The following INPP4A variants were observed in gnomAD, a reference collection of about 807,000 sequenced individuals.
INPP4A encodes the protein inositol polyphosphate-4-phosphatase, type I, 107kD.
A neutral mutation model predicts 119.8 loss-of-function variants in INPP4A; 33 were observed. The ratio of observed to expected loss-of-function variants is 0.28; its 90% CI spans 0.21 to 0.37. The LOEUF (loss-of-function observed/expected upper bound fraction) is 0.37, where lower values mean the gene tolerates loss of function less well. INPP4A is among the 10% of genes least tolerant of loss of function. The pLI is 1.00. For synonymous variants in INPP4A, 496 were observed against 500.7 expected (o/e 0.99, Z 0.12); for missense variants, 956 against 1,289.9 (o/e 0.74, Z 3.97).
intron 4 of INPP4A, 99 bp from the exon 5 acceptor site, chr2:98,533,278 T>A: frequency 1.4e-6 from 1 of 716,678 alleles, no homozygotes; most frequent in Admixed American, 2.1e-5. Context: ...TCTTTGAATG[T>A]CATTTACTCT....
chr2:98,563,394 T>G (rs1388538491), intron 17 of INPP4A, 71 bp from the exon 18 acceptor site: 6 of 1,423,452 alleles, frequency 4.2e-6, no homozygotes, highest in Non-Finnish European at 5.8e-6. Context: ...GCCAGGTGAC[T>G]TGTTAAATTG....
chr2:98,491,434 G>A (rs146850924), intron 1 of INPP4A, among the ~76,000 whole-genome samples: 10 of 152,274 alleles, frequency 6.6e-5, no homozygotes, highest in East Asian at 5.8e-4. Flanking sequence ...TCATGCTCTC[G>A]TCTGGATGAT....
At chr2:98,466,270 T>A (rs980683908) in intron 1 of INPP4A, among the ~76,000 whole-genome samples, 1 of 152,250 alleles carries the variant, frequency 6.6e-6, no homozygotes, top group Non-Finnish European at 1.5e-5. Flanking sequence ...GGTCTTGAAC[T>A]CTTGACCTCA....
rs1553529591 is a variant in INPP4A at position 98,593,211 on chromosome 2, TG to T, written c.*5604del. 6.6e-6 allele frequency: 1 copy of T among 152,400 alleles called. No homozygotes were observed. The highest frequency in any genetic ancestry group is 1.5e-5 in the Non-Finnish European group (1 of 68,130). 9.4% of individuals were successfully genotyped at this position (152,400 alleles called of 1,614,324 possible). Reference sequence around the variant, plus strand: ...AGTCCAGGCAGGTCTTTCACACTGTTGTCCCACATAACAGAAAAAGCTGAGC... The same window carrying T: ...AGTCCAGGCAGGTCTTTCACACTGTTTCCCACATAACAGAAAAAGCTGAGC... On this transcript the variant is annotated 3_prime_UTR_variant, in exon 25 of 25. Coordinates refer to ENST00000409851, the MANE Select transcript of INPP4A (RefSeq NM_001134225.2).
chr2:98,580,455 T>A (rs1699135356), intron 24 of INPP4A, among the ~76,000 whole-genome samples: 1 of 152,088 alleles, frequency 6.6e-6, no homozygotes, highest in Admixed American at 6.5e-5. Flanking sequence ...GAACATGGAG[T>A]TGGGAAGAGA....
chr2:98,593,326 C>T lies in INPP4A; in HGVS notation c.*5718C>T. The T allele has an allele frequency of 6.5e-6, 1 of 152,818 alleles. No homozygotes were observed. Among genetic ancestry groups the T allele is most frequent in the Non-Finnish European group, 1.5e-5 (1 of 68,248 alleles). The allele number at this position is 152,818 out of a possible 1,614,324, so 9.5% of individuals were successfully genotyped here. On this transcript the variant is annotated 3_prime_UTR_variant, in exon 25 of 25. Coordinates refer to ENST00000409851, the MANE Select transcript of INPP4A (RefSeq NM_001134225.2). ...TGTAGACAGACACAGCACTTCACTG[C>T]TTCCTCCTCCTCGCCACCCAGCCCT...
At position 98,572,840 on chromosome 2, in the gene INPP4A, G is replaced by C. The variant is rs533167789; in HGVS notation, c.2544G>C (p.Thr848=). The change falls in exon 23 of 25, where the codon ACG becomes ACC. Residue 848 remains threonine, a synonymous_variant. Transcript: ENST00000409851. ...EDCLPRSRSQ[T]CLPELLRFLG... is the part of the protein sequence containing the mutation. ...GCCTGCCTCGGTCTCGCAGTCAGACGTGCCTGCCAGAGCTGCTGCGGTTTC... is the reference window on the plus strand; with the variant it reads ...GCCTGCCTCGGTCTCGCAGTCAGACCTGCCTGCCAGAGCTGCTGCGGTTTC... The C allele has an allele frequency of 6.4e-7, 1 of 1,568,540 alleles. No homozygotes were observed. Among genetic ancestry groups the C allele is most frequent in the East Asian group, 2.4e-5 (1 of 42,092 alleles).
At chr2:98,547,607 G>A (rs917091990) in intron 13 of INPP4A, among the ~76,000 whole-genome samples, 14 of 152,146 alleles carry the variant, frequency 9.2e-5, no homozygotes, top group Admixed American at 1.3e-4. Context: ...AGTAGAGGAA[G>A]TAGCATGAGG....
At position 98,546,307 on chromosome 2, in the gene INPP4A, G is replaced by A. The variant is rs533120458; in HGVS notation, c.1054+234G>A. ...TTTCTGCAGTAGAAAGTTGCCTGTC[G>A]GCCCTTCTTCCCAAGGAGGGATGCA... is the stretch of plus-strand genomic sequence containing the variant. On this transcript the variant is annotated intron_variant, in intron 12 of 24. Coordinates refer to ENST00000409851, the MANE Select transcript of INPP4A (RefSeq NM_001134225.2). This position sits in a 1 kb window ranked among gnomAD's most constrained non-coding sequence, Gnocchi z 4.2. 2.0e-5 allele frequency among the ~76,000 whole-genome samples: 3 copies of A among 152,236 alleles called. No homozygotes were observed. The highest frequency in any genetic ancestry group is 4.1e-4 in the South Asian group (2 of 4,824).
At chr2:98,553,232 G>T (rs983084759) in intron 14 of INPP4A, among the ~76,000 whole-genome samples, 8 of 152,152 alleles carry the variant, frequency 5.3e-5, no homozygotes, top group African/African-American at 1.9e-4. Context: ...GCAAGTCCAT[G>T]GGGCTCATTT....
chr2:98,549,060 C>A, intron 13 of INPP4A: 1 of 1,211,178 alleles, frequency 8.3e-7, no homozygotes, highest in Non-Finnish European at 1.2e-6. Flanking sequence ...CTCCTGTGGG[C>A]TTCCCCTGCG....
Position 98,588,432 on chromosome 2 carries a change from G to A in INPP4A, c.*824G>A, listed in dbSNP as rs1700144120. On this transcript the variant is annotated 3_prime_UTR_variant, in exon 25 of 25. Transcript: ENST00000409851. ...ATGTTAATGTAGGGCCTCAGATGTG[G>A]CATGTCAACACTCCCATGGGGAATT... The A allele has an allele frequency of 4.9e-6, 1 of 204,216 alleles. No individual in the cohort carries two copies. Among genetic ancestry groups the A allele is most frequent in the Non-Finnish European group, 1.0e-5 (1 of 99,788 alleles). The allele number at this position is 204,216 out of a possible 1,614,324, so 12.7% of individuals were successfully genotyped here. A position where few individuals can be genotyped will look rare whatever the true frequency, so the allele number is the denominator to read the frequency against.
chr2:98,568,768 G>A, intron 22 of INPP4A, 100 bp downstream of exon 22: 2 of 702,108 alleles, frequency 2.8e-6, no homozygotes, highest in Non-Finnish European at 5.3e-6. Context: ...GTGCATGCCT[G>A]TGCATGTGTG....
At position 98,555,679 on chromosome 2, in the gene INPP4A, A is replaced by G. The variant is rs1010717183; in HGVS notation, c.1693A>G (p.Thr565Ala). 1 of 1,613,964 alleles carries G rather than the reference A, an allele frequency of 6.2e-7. No homozygotes were observed. Among genetic ancestry groups the G allele is most frequent in the Non-Finnish European group, 8.5e-7 (1 of 1,179,864 alleles). The change falls in exon 16 of 25, where the codon ACC (threonine) becomes GCC (alanine). Residue 565 changes from threonine to alanine, a missense_variant. By Grantham distance (58) the Thr-to-Ala change is moderately conservative. Transcript: ENST00000409851. The part of the protein sequence containing the change: ...EDVFPCAGSC[T>A]SKKGNPDSHA... ...TGTCTTCCCCTGTGCAGGCAGCTGC[A>G]CCAGCAAGAAAGGTAACCCGGACAG...
chr2:98,587,629 A>T lies in INPP4A; in HGVS notation c.*21A>T. ...CGTGAACACACGGTTTCCTCTAATTAGCTGTTACATAATAAATGTGGGTAC... is the reference window on the plus strand; with the variant it reads ...CGTGAACACACGGTTTCCTCTAATTTGCTGTTACATAATAAATGTGGGTAC... On this transcript the variant is annotated 3_prime_UTR_variant, in exon 25 of 25. Coordinates refer to ENST00000409851, the MANE Select transcript of INPP4A (RefSeq NM_001134225.2). The T allele has an allele frequency of 1.3e-6, 2 of 1,580,620 alleles. No individual in the cohort carries two copies. The highest frequency in any genetic ancestry group is 1.2e-5 in the South Asian group (1 of 83,820).
intron 10 of INPP4A, 55 bp from the exon 11 acceptor site, chr2:98,543,822 C>T (rs1691978620): frequency 6.2e-6 from 10 of 1,603,672 alleles, no homozygotes; most frequent in Admixed American, 1.7e-5. Context: ...CCTCCTGGGC[C>T]TCTCTGGGGA....
At chr2:98,508,878 A>G (rs1390355751) in intron 1 of INPP4A, among the ~76,000 whole-genome samples, 1 of 152,150 alleles carries the variant, frequency 6.6e-6, no homozygotes, top group Non-Finnish European at 1.5e-5. Flanking sequence ...TGTGAAATTG[A>G]TGTGGTAATC....
chr2:98,553,777 A>C (rs1336048407), intron 14 of INPP4A, among the ~76,000 whole-genome samples: 1 of 152,282 alleles, frequency 6.6e-6, no homozygotes, highest in Admixed American at 6.5e-5. Context: ...CCCGTGTTGC[A>C]TGCAGAATTC....
intron 7 of INPP4A, among the ~76,000 whole-genome samples, chr2:98,536,564 G>A (rs1326288883): frequency 6.6e-6 from 1 of 152,108 alleles, no homozygotes; most frequent in Non-Finnish European, 1.5e-5. Context: ...CTATTTCCCA[G>A]ACACCTAGAA....
Sources: gnomAD v4.1 joint callset for allele counts (sites outside exome capture counted in the v4.1 genomes callset) on GRCh38, gnomAD v4.1.1 for gene constraint, Gnocchi (gnomAD v3.1) non-coding constraint, MANE v1.5 for transcripts, NCBI Gene and HGNC (gene_info 2026-07-23, HGNC 2026-07-21) for gene names.